Variants in ADAMTS12 observed in about 807,000 individuals in gnomAD.
ADAMTS12 encodes A disintegrin and metalloproteinase with thrombospondin motifs 12.
ADAMTS12 carries 118 observed loss-of-function variants against 167.8 expected under a neutral mutation model. That is an observed-to-expected ratio of 0.70 (90% confidence interval 0.61 to 0.82). The LOEUF (loss-of-function observed/expected upper bound fraction) is 0.82, where lower values mean the gene tolerates loss of function less well. ADAMTS12 is among the 40% of genes least tolerant of loss of function. The probability of loss-of-function intolerance (pLI) is 0.00; values close to 1 mark genes in which losing one functional copy is unlikely to be tolerated. For missense variants in ADAMTS12, 1,916 were observed against 1,998.8 expected, an observed-to-expected ratio of 0.96 and a Z score of 0.79; for synonymous variants, 704 against 716.9, an observed-to-expected ratio of 0.98 and a Z score of 0.29.
chr5:33,554,618 A>G (rs1745407073), intron 20 of ADAMTS12, among the ~76,000 whole-genome samples: 1 of 152,222 alleles, frequency 6.6e-6, no homozygotes, highest in African/African-American at 2.4e-5. Flanking sequence ...ATACAATTCT[A>G]GGTTTTGACT....
intron 3 of ADAMTS12, among the ~76,000 whole-genome samples, chr5:33,725,707 T>A (rs756236909): frequency 6.6e-6 from 1 of 152,180 alleles, no homozygotes; most frequent in African/African-American, 2.4e-5. Flanking sequence ...GAGGAAGCCC[T>A]CACGTTGTGA....
rs1739683919 is a variant in ADAMTS12, at chr5:33,627,092, GGTGGTGGTGATGATGGTT to G, written c.2023-2759_2023-2742del. ...GTGATTTGATGGTGGTGGTAGTGGT[GGTGGTGGTGATGATGGTT>G]GTGGTGGTGGTGGTGGTGATGTGGT... is the stretch of plus-strand genomic sequence containing the variant. On this transcript the variant is annotated intron_variant, in intron 13 of 23. Coordinates refer to ENST00000504830, the MANE Select transcript of ADAMTS12 (RefSeq NM_030955.4). Among the ~76,000 whole-genome samples, 3 of 150,144 alleles carry G rather than the reference GGTGGTGGTGATGATGGTT, an allele frequency of 2.0e-5. No homozygotes were observed. The South Asian group carries it at 6.4e-4, about 32-fold the overall frequency.
intron 3 of ADAMTS12, among the ~76,000 whole-genome samples, chr5:33,723,838 C>G (rs975850165): frequency 7.2e-5 from 11 of 152,230 alleles, no homozygotes; most frequent in Non-Finnish European, 1.3e-4. Context: ...CTGGTGCCCT[C>G]TTCCCTTCCA....
chr5:33,776,094 A>G (rs970448859), intron 2 of ADAMTS12, among the ~76,000 whole-genome samples: 1 of 152,220 alleles, frequency 6.6e-6, no homozygotes, highest in African/African-American at 2.4e-5. Context: ...ACAGAACTGA[A>G]GGAAGAAATA....
chr5:33,771,819 C>T (rs1472692184), intron 2 of ADAMTS12, among the ~76,000 whole-genome samples: 3 of 151,326 alleles, frequency 2.0e-5, no homozygotes, highest in Non-Finnish European at 4.4e-5. Context: ...GTCCCCTCAT[C>T]CTTTTTCTTT....
At chr5:33,725,846 C>T (rs1171225843) in intron 3 of ADAMTS12, among the ~76,000 whole-genome samples, 2 of 152,182 alleles carry the variant, frequency 1.3e-5, no homozygotes, top group African/African-American at 4.8e-5. Context: ...GGGTTCCACT[C>T]AAGGCTGATT....
At chr5:33,669,334 G>A (rs1741588292) in intron 5 of ADAMTS12, among the ~76,000 whole-genome samples, 1 of 152,084 alleles carries the variant, frequency 6.6e-6, no homozygotes, top group African/African-American at 2.4e-5. Context: ...TTTTGACAAT[G>A]TTTCACATTG....
intron 2 of ADAMTS12, among the ~76,000 whole-genome samples, chr5:33,845,128 A>T (rs1276391031): frequency 6.6e-6 from 1 of 152,248 alleles, no homozygotes; most frequent in Non-Finnish European, 1.5e-5. Context: ...GCAAGCAGGT[A>T]TTGTGGCTTA....
intron 2 of ADAMTS12, among the ~76,000 whole-genome samples, chr5:33,841,059 C>T (rs940055591): frequency 6.6e-6 from 1 of 152,116 alleles, no homozygotes; most frequent in African/African-American, 2.4e-5. Flanking sequence ...CTGCTCCCAC[C>T]CTTAGCTCTG....
rs35452381 is a variant in ADAMTS12 at position 33,706,603 on chromosome 5, T to A, written c.635-22548A>T. ...CACACCGATGGGTCTTGACTCTTTA[T>A]CCAATTTGCCAGTCTTTCTCTTTTA... is the stretch of plus-strand genomic sequence containing the variant. On this transcript the variant is annotated intron_variant, in intron 3 of 23. Transcript: ENST00000504830. 4.9e-3 allele frequency among the ~76,000 whole-genome samples: 740 copies of A among 152,234 alleles called. 6 individuals carry two copies. The highest frequency in any genetic ancestry group is 0.017 in the African/African-American group (704 of 41,554).
At chr5:33,591,340 G>A (rs949532213) in intron 17 of ADAMTS12, among the ~76,000 whole-genome samples, 2 of 152,088 alleles carry the variant, frequency 1.3e-5, no homozygotes, top group African/African-American at 4.8e-5. Flanking sequence ...ACCAGGACAC[G>A]TCACTCTTTC....
intron 16 of ADAMTS12, among the ~76,000 whole-genome samples, chr5:33,596,836 A>T (rs1737909011): frequency 6.6e-6 from 1 of 152,222 alleles, no homozygotes; most frequent in South Asian, 2.1e-4. Context: ...TACAATTTAA[A>T]ATAATGTTGT....
At chr5:33,780,713 G>A (rs561937291) in intron 2 of ADAMTS12, among the ~76,000 whole-genome samples, 2 of 152,134 alleles carry the variant, frequency 1.3e-5, no homozygotes, top group African/African-American at 4.8e-5. Flanking sequence ...TTTCTAAATC[G>A]TATTGCTTTA....
chr5:33,642,668 C>G (rs1277105971), intron 10 of ADAMTS12, among the ~76,000 whole-genome samples: 1 of 152,182 alleles, frequency 6.6e-6, no homozygotes, highest in African/African-American at 2.4e-5. Flanking sequence ...AAGGGAAATG[C>G]TATGTGGTTG....
At position 33,614,390 on chromosome 5, in the gene ADAMTS12, G is replaced by A; in HGVS notation, c.2389-14C>T. On this transcript the variant is annotated splice_polypyrimidine_tract_variant and intron_variant, in intron 15 of 23. Coordinates refer to ENST00000504830, the MANE Select transcript of ADAMTS12 (RefSeq NM_030955.4). ...CTGGAATAGAAGCTAAAAGGCAAGA[G>A]AGGGGTCATGTCAAACTGTCATGAC... is the stretch of plus-strand genomic sequence containing the variant. 1 of 1,613,564 alleles carries A rather than the reference G, an allele frequency of 6.2e-7. No individual in the cohort carries two copies. Among genetic ancestry groups the A allele is most frequent in the Non-Finnish European group, 8.5e-7 (1 of 1,179,550 alleles).
chr5:33,703,011 C>G (rs1392909368), intron 3 of ADAMTS12, among the ~76,000 whole-genome samples: 3 of 152,108 alleles, frequency 2.0e-5, no homozygotes, highest in Non-Finnish European at 4.4e-5. Context: ...TGATGATACC[C>G]CACTCCTCAA....
chr5:33,618,534 C>G (rs1331632012), intron 14 of ADAMTS12, among the ~76,000 whole-genome samples: 2 of 152,090 alleles, frequency 1.3e-5, no homozygotes, highest in African/African-American at 4.8e-5. Flanking sequence ...TAATCAGAAC[C>G]CTTCTGTTAG....
chr5:33,534,812 C>G, intron 23 of ADAMTS12, 21 bp downstream of exon 23: 1 of 1,598,146 alleles, frequency 6.3e-7, no homozygotes, highest in Non-Finnish European at 8.5e-7. Flanking sequence ...TCTTTCTCCC[C>G]GAGCAAACCC....
intron 2 of ADAMTS12, among the ~76,000 whole-genome samples, chr5:33,870,692 T>A (rs1417402101): frequency 1.3e-5 from 2 of 152,186 alleles, no homozygotes; most frequent in Non-Finnish European, 2.9e-5. Context: ...ATCCCCAGTG[T>A]TGGTGGAGGG....
Sources: gnomAD v4.1 joint callset for allele counts (sites outside exome capture counted in the v4.1 genomes callset) on GRCh38, gnomAD v4.1.1 for gene constraint, MANE v1.5 for transcripts, NCBI Gene and HGNC (gene_info 2026-07-23, HGNC 2026-07-21) for gene names.